The following NPM3 variants were observed in gnomAD, a reference collection of about 807,000 sequenced individuals.
NPM3 encodes the protein nucleoplasmin-3.
Under a neutral mutation model 18.1 loss-of-function variants are expected in NPM3, and 12 were observed. The ratio of observed to expected loss-of-function variants is 0.66; its 90% CI spans 0.42 to 1.07. NPM3 has a LOEUF of 1.07. Among genes scored for constraint, NPM3 ranks in the 50% least tolerant of loss-of-function variants. The probability of loss-of-function intolerance (pLI) is 0.00; values close to 1 mark genes in which losing one functional copy is unlikely to be tolerated. For missense variants in NPM3, 274 were observed against 232.1 expected (o/e 1.18, Z -1.17); for synonymous variants, 116 against 93.7 (o/e 1.24, Z -1.38).
At position 101,782,352 on chromosome 10, in the gene NPM3, C is replaced by A; in HGVS notation, c.325-1G>T. 1 of 1,613,636 alleles carries A rather than the reference C, an allele frequency of 6.2e-7. No individual in the cohort carries two copies. The highest frequency in any genetic ancestry group is 8.5e-7 in the Non-Finnish European group (1 of 1,179,800). ...GGAGCTGGAAGTCATCCAGACTGAG[C>A]TGGGAGGAAGACAAGGATGAAGGCC... On this transcript the variant is annotated splice_acceptor_variant, in intron 3 of 5. Coordinates refer to ENST00000370110, the Ensembl canonical transcript of NPM3. LOFTEE classifies it high-confidence loss of function.
At chr10:101,782,681 A>C in intron 2 of NPM3, 84 bp from the exon 3 acceptor site, 1 of 1,600,578 alleles carries the variant, frequency 6.2e-7, no homozygotes, top group Non-Finnish European at 8.5e-7. Context: ...GCACCTGCCC[A>C]GCCTCAGAGG....
At chr10:101,783,344 C>G (rs34376117) in exon 1 of NPM3, 3 of 1,613,298 alleles carry the variant, frequency 1.9e-6, no homozygotes, top group Non-Finnish European at 2.5e-6. Context: ...CCGCGTTCGG[C>G]TCTCCTGACT....
chr10:101,781,663 A>G, intron 5 of NPM3, 31 bp from the exon 6 acceptor site: 1 of 1,547,628 alleles, frequency 6.5e-7, no homozygotes, highest in Non-Finnish European at 8.8e-7. Context: ...ATCAGCATTT[A>G]GGCCCTCACC....
In NPM3 at chr10:101,781,671, A is replaced by C. The variant is rs1589817213; in HGVS notation, c.*10-39T>G. ...ACAAGGAATCAGCATTTAGGCCCTCACCTGCTTCTCCTGCCCCTTCCCAGA... is the reference window on the plus strand; with the variant it reads ...ACAAGGAATCAGCATTTAGGCCCTCCCCTGCTTCTCCTGCCCCTTCCCAGA... On this transcript the variant is annotated intron_variant, in intron 5 of 5. Coordinates refer to ENST00000370110, the Ensembl canonical transcript of NPM3. 4 of 1,583,146 alleles carry C rather than the reference A, an allele frequency of 2.5e-6. No individual in the cohort carries two copies. The East Asian group carries it at 9.0e-5, about 35-fold the overall frequency.
At chr10:101,782,728 G>A (rs1564635739) in intron 2 of NPM3, 111 bp downstream of exon 2, 5 of 1,573,236 alleles carry the variant, frequency 3.2e-6, no homozygotes, top group East Asian at 2.3e-5. Flanking sequence ...GCCCATGCCG[G>A]GGGGTTAGGC....
At chr10:101,783,052 T>C (rs971933897) in intron 1 of NPM3, 128 bp from the exon 2 acceptor site, 20 of 863,988 alleles carry the variant, frequency 2.3e-5, no homozygotes, top group Admixed American at 4.4e-5. Flanking sequence ...CCGTCTCTTC[T>C]CTCAGAACAC....
chr10:101,782,931 G>A lies in NPM3; in HGVS notation c.119-7C>T. ...TGGCCGGAGAGCTCACAGCCTGGTA[G>A]AAATAACAGTGAGTATGCCTGAGCG... is the stretch of plus-strand genomic sequence containing the variant. On this transcript the variant is annotated splice_region_variant and splice_polypyrimidine_tract_variant and intron_variant, in intron 1 of 5. Transcript: ENST00000370110. 1 of 1,613,538 alleles carries A rather than the reference G, an allele frequency of 6.2e-7. No individual in the cohort carries two copies. Among genetic ancestry groups the A allele is most frequent in the African/African-American group, 1.3e-5 (1 of 75,046 alleles).
exon 6 of NPM3, chr10:101,781,608 G>A: frequency 1.0e-6 from 1 of 980,636 alleles, no homozygotes; most frequent in Non-Finnish European, 1.5e-6. Context: ...AGGGTGCATG[G>A]CGGTGCATGG....
At chr10:101,782,378 TG>T (rs1295479603) in intron 3 of NPM3, 27 bp from the exon 4 acceptor site, 9 of 1,611,076 alleles carry the variant, frequency 5.6e-6, no homozygotes, top group Non-Finnish European at 7.6e-6. Context: ...GATGAAGGCC[TG>T]GCCCACTCCT....
In NPM3 at chr10:101,783,253, G is replaced by A; in HGVS notation, c.118+20C>T. The A allele has an allele frequency of 6.5e-7, 1 of 1,546,724 alleles. No homozygotes were observed. Among genetic ancestry groups the A allele is most frequent in the Non-Finnish European group, 8.9e-7 (1 of 1,127,568 alleles). ...TCTTACCGCCCCAGTACCACCCTCA[G>A]CCTCTCCCTTCACTAATACCGAAGA... On this transcript the variant is annotated intron_variant, in intron 1 of 5. Transcript: ENST00000370110.
In NPM3 at chr10:101,782,910, C is replaced by T. The variant is rs201135987; in HGVS notation, c.133G>A (p.Gly45Ser). 112 of 1,613,878 alleles carry T rather than the reference C, an allele frequency of 6.9e-5. No individual in the cohort carries two copies. Among genetic ancestry groups the T allele is most frequent in the Non-Finnish European group, 9.1e-5 (107 of 1,179,988 alleles). The change falls in exon 2 of 6, where the codon GGC becomes AGC. Residue 45 changes from glycine (G) to serine (S), a missense_variant. Physicochemically the swap from Gly to Ser is moderately conservative, Grantham distance 56. Transcript: ENST00000370110. ...TTAAAGGTGAAGGAGCGGGTGTGGCCGGAGAGCTCACAGCCTGGTAGAAAT... is the reference window on the plus strand; with the variant it reads ...TTAAAGGTGAAGGAGCGGGTGTGGCTGGAGAGCTCACAGCCTGGTAGAAAT...
At chr10:101,782,117 A>G (rs1359150157) in intron 4 of NPM3, 141 bp downstream of exon 4, 3 of 894,632 alleles carry the variant, frequency 3.4e-6, no homozygotes, top group Non-Finnish European at 5.2e-6. Context: ...TGTCATGCAC[A>G]GGGCACAGCG....
At chr10:101,782,654 T>A in intron 2 of NPM3, 57 bp from the exon 3 acceptor site, 2 of 1,609,722 alleles carry the variant, frequency 1.2e-6, no homozygotes, top group Non-Finnish European at 1.7e-6. Context: ...ACACCACAAC[T>A]AAAGGCATCT....
chr10:101,782,316 T>C (rs770809218), exon 4 of NPM3: 1 of 1,614,018 alleles, frequency 6.2e-7, no homozygotes, highest in Non-Finnish European at 8.5e-7. Context: ...GGCGGAAGGT[T>C]ACAGGTGGTT....
At chr10:101,781,795 C>T in exon 5 of NPM3, 14 of 1,614,188 alleles carry the variant, frequency 8.7e-6, no homozygotes, top group Non-Finnish European at 1.2e-5. Flanking sequence ...ACTTCTTCCT[C>T]ATCACTGTCC....
exon 1 of NPM3, chr10:101,783,355 C>CAAA: frequency 6.2e-7 from 1 of 1,612,954 alleles, no homozygotes; most frequent in Middle Eastern, 1.7e-4. Context: ...TCTCCTGACT[C>CAAA]AAAAACGCTA....
At chr10:101,782,986 C>A in intron 1 of NPM3, 62 bp from the exon 2 acceptor site, 1 of 1,480,344 alleles carries the variant, frequency 6.8e-7, no homozygotes, top group South Asian at 1.2e-5. Context: ...CGGGGGATGT[C>A]ACCAACCCGC....
At position 101,782,934 on chromosome 10, in the gene NPM3, A is replaced by G. The variant is rs766393870; in HGVS notation, c.119-10T>C. 2.5e-6 allele frequency: 4 copies of G among 1,613,440 alleles called. No homozygotes were observed. Among genetic ancestry groups the G allele is most frequent in the South Asian group, 1.1e-5 (1 of 90,954 alleles). On this transcript the variant is annotated splice_polypyrimidine_tract_variant and intron_variant, in intron 1 of 5. Transcript: ENST00000370110. The stretch of plus-strand genomic sequence containing the variant: ...CCGGAGAGCTCACAGCCTGGTAGAA[A>G]TAACAGTGAGTATGCCTGAGCGTGT...
chr10:101,783,425 A>G, upstream of NPM3: 1 of 1,488,356 alleles, frequency 6.7e-7, no homozygotes, highest in Non-Finnish European at 9.2e-7. Context: ...CGCCCCCGAC[A>G]CGCACAAAGC....
Sources: gnomAD v4.1 joint callset for allele counts on GRCh38, gnomAD v4.1.1 for gene constraint, MANE v1.5 for transcripts, NCBI Gene and HGNC (gene_info 2026-07-23, HGNC 2026-07-21) for gene names.